Variants in RANBP2 observed in about 807,000 individuals in gnomAD.
RANBP2 encodes the protein RAN binding protein 2.
A neutral mutation model predicts 303.6 loss-of-function variants in RANBP2; 57 were observed. The observed-to-expected ratio is 0.19, with a 90% confidence interval of 0.15 to 0.23. The LOEUF (loss-of-function observed/expected upper bound fraction) is 0.23. Ranked by LOEUF, RANBP2 falls within the 10% of genes least tolerant of loss-of-function variation. The pLI is 1.00. For synonymous variants in RANBP2, 1,167 were observed against 1,301.5 expected, an observed-to-expected ratio of 0.90 and a Z score of 2.23; for missense variants, 3,138 against 3,780.8, an observed-to-expected ratio of 0.83 and a Z score of 4.46.
the RANBP2 span, among the ~76,000 whole-genome samples, chr2:108,917,647 G>T: frequency 6.6e-6 from 1 of 152,260 alleles, no homozygotes; most frequent in African/African-American, 2.4e-5. Context: ...TAAGACTAGA[G>T]GGGGGTCAAA....
At chr2:109,599,820 T>G in the RANBP2 span, among the ~76,000 whole-genome samples, 1 of 152,198 alleles carries the variant, frequency 6.6e-6, no homozygotes, top group Non-Finnish European at 1.5e-5. Flanking sequence ...ATTTTAAAAT[T>G]ACTCCTCCTA....
the RANBP2 span, among the ~76,000 whole-genome samples, chr2:109,199,592 TGG>T: frequency 0.015 from 2 of 136 alleles, no homozygotes; most frequent in African/African-American, 0.062. Context: ...TGGAATGGAA[TGG>T]AATGGAATGG....
intron 19 of RANBP2, 35 bp from the exon 20 acceptor site, chr2:108,763,202 C>G (rs1462976121): frequency 1.3e-6 from 2 of 1,596,170 alleles, no homozygotes; most frequent in East Asian, 4.5e-5. Flanking sequence ...GTTTTGTAGA[C>G]AATCTACAAA....
Position 108,777,182 on chromosome 2 carries a change from T to G in RANBP2, c.8550T>G (p.Phe2850Leu). 6.2e-7 allele frequency: 1 copy of G among 1,613,644 alleles called. No individual in the cohort carries two copies. The highest frequency in any genetic ancestry group is 8.5e-7 in the Non-Finnish European group (1 of 1,179,628). Reference protein sequence around the residue: ...FGFGSSTGLSFADLASSNSGD... With the variant: ...FGFGSSTGLSLADLASSNSGD... Reference sequence around the variant, plus strand: ...TTGGAAGTAGCACAGGGCTCTCATTTGCAGACTTGGCTTCCAGTAATTCTG... The same window carrying G: ...TTGGAAGTAGCACAGGGCTCTCATTGGCAGACTTGGCTTCCAGTAATTCTG... Residue 2850 changes from phenylalanine (F) to leucine (L), a missense_variant, in exon 25 of 29, where the codon TTT becomes TTG. Phe to Leu is a conservative substitution (Grantham distance 22). This residue lies in a region of RANBP2 where 497 missense variants were observed against 465.8 expected (regional missense o/e 1.07). Transcript: ENST00000283195.
chr2:109,399,021 G>T, the RANBP2 span: 5 of 1,416,700 alleles, frequency 3.5e-6, no homozygotes, highest in African/African-American at 1.4e-5. Context: ...AGTGTCCCCC[G>T]TTCCTCAACT....
chr2:108,956,913 C>T, the RANBP2 span, among the ~76,000 whole-genome samples: 2 of 152,080 alleles, frequency 1.3e-5, no homozygotes, highest in African/African-American at 4.8e-5. Context: ...CTCAGCCTCC[C>T]GAGTAGCTGG....
the RANBP2 span, among the ~76,000 whole-genome samples, chr2:109,548,918 G>A: frequency 1.3e-5 from 2 of 152,084 alleles, no homozygotes; most frequent in East Asian, 1.9e-4. Flanking sequence ...AGGTTGTCCT[G>A]TGAGCCAGTG....
chr2:108,912,337 G>C, the RANBP2 span, among the ~76,000 whole-genome samples: 18 of 152,188 alleles, frequency 1.2e-4, no homozygotes, highest in Non-Finnish European at 2.1e-4. Context: ...ACCAGTGATA[G>C]AATTGCTGTT....
chr2:109,169,270 T>A, the RANBP2 span, among the ~76,000 whole-genome samples: 8 of 152,222 alleles, frequency 5.3e-5, no homozygotes, highest in African/African-American at 1.7e-4. Context: ...GTGTTTGTAC[T>A]TGCTGAGAGG....
chr2:109,176,025 A>G, the RANBP2 span, among the ~76,000 whole-genome samples: 1,226 of 152,306 alleles, frequency 8.0e-3, 12 homozygotes, highest in East Asian at 0.04. Flanking sequence ...TGCATGTTAT[A>G]TCCTTGAGAC....
chr2:109,578,554 G>A, the RANBP2 span, among the ~76,000 whole-genome samples: 5 of 152,022 alleles, frequency 3.3e-5, no homozygotes, highest in Admixed American at 6.5e-5. Context: ...ATCACCTGAG[G>A]TCAGGAGTTC....
At chr2:109,199,065 A>G in the RANBP2 span, among the ~76,000 whole-genome samples, 5 of 152,094 alleles carry the variant, frequency 3.3e-5, no homozygotes, top group African/African-American at 1.2e-4. Flanking sequence ...CCACTTAAAA[A>G]ATGGTCTTGG....
At chr2:108,813,432 C>G in the RANBP2 span, among the ~76,000 whole-genome samples, 1 of 151,996 alleles carries the variant, frequency 6.6e-6, no homozygotes, top group Non-Finnish European at 1.5e-5. Context: ...AATATACTTT[C>G]ATTTGTGAAA....
the RANBP2 span, among the ~76,000 whole-genome samples, chr2:109,468,186 C>G: frequency 6.6e-6 from 1 of 152,224 alleles, no homozygotes; most frequent in Non-Finnish European, 1.5e-5. Flanking sequence ...CTAGATGGCA[C>G]AGCCTGTGAC....
the RANBP2 span, among the ~76,000 whole-genome samples, chr2:108,997,998 T>C: frequency 6.6e-6 from 1 of 152,196 alleles, no homozygotes; most frequent in African/African-American, 2.4e-5. Flanking sequence ...TGTGCATCTC[T>C]GAATGATGGT....
the RANBP2 span, among the ~76,000 whole-genome samples, chr2:109,739,766 A>G: frequency 1.3e-5 from 2 of 151,856 alleles, no homozygotes; most frequent in African/African-American, 4.8e-5. Flanking sequence ...GTTAAATAAC[A>G]GTGGTAAAAC....
the RANBP2 span, among the ~76,000 whole-genome samples, chr2:109,682,343 A>C: frequency 6.6e-6 from 1 of 152,128 alleles, no homozygotes; most frequent in Admixed American, 6.6e-5. Flanking sequence ...ACTTATAATA[A>C]ATTTCTTGTT....
At chr2:109,712,204 C>T in the RANBP2 span, among the ~76,000 whole-genome samples, 32 of 152,120 alleles carry the variant, frequency 2.1e-4, no homozygotes, top group African/African-American at 6.5e-4. Flanking sequence ...GCTGCCCTGG[C>T]CGGCTGTGTC....
the RANBP2 span, among the ~76,000 whole-genome samples, chr2:109,249,353 A>G: frequency 6.6e-6 from 1 of 152,176 alleles, no homozygotes; most frequent in Non-Finnish European, 1.5e-5. Context: ...ATCCCCGAGC[A>G]AGTTGGTATT....
Sources: allele counts gnomAD v4.1 joint callset (sites outside exome capture counted in the v4.1 genomes callset), GRCh38; gene constraint gnomAD v4.1.1; regional missense constraint gnomAD v4.1.1; transcripts MANE v1.5; gene names NCBI Gene and HGNC (gene_info 2026-07-23, HGNC 2026-07-21).